Variants in MOB3B observed in about 807,000 individuals in gnomAD.
MOB3B encodes MOB kinase activator 3B.
A neutral mutation model predicts 18.7 loss-of-function variants in MOB3B; 7 were observed. The observed-to-expected ratio is 0.37, with a 90% confidence interval of 0.21 to 0.70. The LOEUF is 0.70. MOB3B is among the 30% of genes least tolerant of loss of function. The probability of loss-of-function intolerance (pLI) is 0.52; values close to 1 mark genes in which losing one functional copy is unlikely to be tolerated. For synonymous variants in MOB3B, 111 were observed against 99.9 expected, an observed-to-expected ratio of 1.11 and a Z score of -0.66; for missense variants, 253 against 281.3, an observed-to-expected ratio of 0.90 and a Z score of 0.72.
intron 1 of MOB3B, among the ~76,000 whole-genome samples, chr9:27,507,454 C>T (rs980656084): frequency 3.3e-5 from 5 of 152,212 alleles, no homozygotes; most frequent in African/African-American, 1.2e-4. Flanking sequence ...GCTTACAATG[C>T]GCACTCCCCA....
At chr9:27,423,267 GA>G (rs1353432571) in intron 2 of MOB3B, among the ~76,000 whole-genome samples, 28 of 152,250 alleles carry the variant, frequency 1.8e-4, no homozygotes, top group African/African-American at 5.8e-4. Context: ...CAAGGGTGAT[GA>G]ATGAACTGCT....
rs1820101096 is a variant in MOB3B, at chr9:27,509,221, A to G, written c.-199+20334T>C. 3.3e-5 allele frequency among the ~76,000 whole-genome samples: 5 copies of G among 152,158 alleles called. No homozygotes were observed. In the South Asian group the frequency reaches 1.0e-3, roughly 32 times the overall value. On this transcript the variant is annotated intron_variant, in intron 1 of 3. Coordinates refer to ENST00000262244, the MANE Select transcript of MOB3B (RefSeq NM_024761.5). ...ATACACATACATTAAGAGATACTGT[A>G]ACTTTCATAGTTCCAATGCCAAGCC...
At chr9:27,516,502 C>A (rs533479444) in intron 1 of MOB3B, among the ~76,000 whole-genome samples, 10 of 152,252 alleles carry the variant, frequency 6.6e-5, no homozygotes, top group Middle Eastern at 6.8e-3. Context: ...GGGCATTAGG[C>A]CTAGATCAAC....
intron 3 of MOB3B, among the ~76,000 whole-genome samples, chr9:27,338,145 G>A (rs917973970): frequency 1.3e-5 from 2 of 151,984 alleles, no homozygotes; most frequent in Non-Finnish European, 2.9e-5. Context: ...GACTTGCAAG[G>A]ACTTCTGGAT....
intron 3 of MOB3B, among the ~76,000 whole-genome samples, chr9:27,339,200 G>T (rs1820905999): frequency 6.6e-6 from 1 of 152,210 alleles, no homozygotes; most frequent in Admixed American, 6.5e-5. Flanking sequence ...GGAGGGTAAA[G>T]GGACCAGGAG....
chr9:27,495,104 G>A (rs1819876917), intron 1 of MOB3B, among the ~76,000 whole-genome samples: 2 of 152,092 alleles, frequency 1.3e-5, no homozygotes, highest in African/African-American at 2.4e-5. Flanking sequence ...TGAGGTGGGA[G>A]GATCACTTGA....
At chr9:27,459,117 AGT>A (rs778247616) in intron 1 of MOB3B, among the ~76,000 whole-genome samples, 1 of 152,012 alleles carries the variant, frequency 6.6e-6, no homozygotes, top group South Asian at 2.1e-4. Context: ...TCTTTTCCTG[AGT>A]GTGAGATGCC....
chr9:27,359,220 C>A lies in MOB3B; in HGVS notation c.435G>T (p.Lys145Asn). Residue 145 changes from lysine (K) to asparagine (N), a missense_variant, in exon 3 of 4, where the codon AAG (lysine) becomes AAT (asparagine). By Grantham distance (94) the Lys-to-Asn change is moderately conservative. Transcript: ENST00000262244. ...TCTTCTTGCAGATCTGAAGGAAGTT[C>A]TTTGGGAAGGGAACACCTAGAGAAG... Reference protein sequence around the residue: ...FPTCVGVPFPKNFLQICKKIL... With the variant: ...FPTCVGVPFPNNFLQICKKIL... 6.2e-7 allele frequency: 1 copy of A among 1,614,060 alleles called. No homozygotes were observed. Among genetic ancestry groups the A allele is most frequent in the Non-Finnish European group, 8.5e-7 (1 of 1,180,000 alleles).
intron 2 of MOB3B, among the ~76,000 whole-genome samples, chr9:27,452,126 T>C (rs147528241): frequency 6.6e-6 from 1 of 152,330 alleles, no homozygotes; most frequent in African/African-American, 2.4e-5. Flanking sequence ...TTGTTTAACT[T>C]TGCTCTGATC....
At chr9:27,512,637 T>C (rs909928786) in intron 1 of MOB3B, among the ~76,000 whole-genome samples, 2 of 152,226 alleles carry the variant, frequency 1.3e-5, no homozygotes, top group Non-Finnish European at 2.9e-5. Flanking sequence ...ACACTACTGT[T>C]TCATGGGTGT....
At chr9:27,458,803 G>A (rs887955392) in intron 1 of MOB3B, among the ~76,000 whole-genome samples, 2 of 151,834 alleles carry the variant, frequency 1.3e-5, no homozygotes, top group African/African-American at 2.4e-5. Flanking sequence ...CAATCCTCCC[G>A]CTCTGGCCTG....
chr9:27,363,501 C>T (rs1821303802), intron 2 of MOB3B, among the ~76,000 whole-genome samples: 1 of 151,934 alleles, frequency 6.6e-6, no homozygotes, highest in Non-Finnish European at 1.5e-5. Context: ...ATCTCCTGAC[C>T]TCGTGATCTG....
intron 1 of MOB3B, among the ~76,000 whole-genome samples, chr9:27,511,955 T>C (rs80270322): frequency 0.032 from 4,802 of 152,242 alleles, 103 homozygotes; most frequent in Middle Eastern, 0.065. Context: ...CACTTAGCTG[T>C]GGCCATGTGA....
At chr9:27,456,344 G>C (rs371988314) in intron 1 of MOB3B, among the ~76,000 whole-genome samples, 31 of 152,162 alleles carry the variant, frequency 2.0e-4, no homozygotes, top group African/African-American at 6.5e-4. Context: ...CTGGTCTGCA[G>C]AGCCACGGAG....
At chr9:27,389,208 C>A (rs767301159) in intron 2 of MOB3B, among the ~76,000 whole-genome samples, 20 of 152,180 alleles carry the variant, frequency 1.3e-4, no homozygotes, top group Non-Finnish European at 1.0e-4. Flanking sequence ...AATTTTCAGG[C>A]TCCACCCCAA....
rs1820739833 is a variant in MOB3B at position 27,328,300 on chromosome 9, A to G, written c.*2287T>C. 1 of 152,076 alleles carries G rather than the reference A, an allele frequency of 6.6e-6. No homozygotes were observed. The highest frequency in any genetic ancestry group is 2.4e-5 in the African/African-American group (1 of 41,414). The allele number at this position is 152,076 out of a possible 1,614,324, so 9.4% of individuals were successfully genotyped here. A position where few individuals can be genotyped will look rare whatever the true frequency, so the allele number is the denominator to read the frequency against. ...ATTTATAACAGAGATGAACAGTTAG[A>G]TGCAGTCAAGCAGAGGAGATAAAAA... On this transcript the variant is annotated 3_prime_UTR_variant, in exon 4 of 4. Coordinates refer to ENST00000262244, the MANE Select transcript of MOB3B (RefSeq NM_024761.5).
At chr9:27,336,507 G>A (rs1312325615) in intron 3 of MOB3B, among the ~76,000 whole-genome samples, 1 of 152,126 alleles carries the variant, frequency 6.6e-6, no homozygotes, top group Non-Finnish European at 1.5e-5. Context: ...GTGTGGTAAG[G>A]AGCAGGAGGA....
At chr9:27,355,325 C>A (rs987941853) in intron 3 of MOB3B, among the ~76,000 whole-genome samples, 2 of 152,090 alleles carry the variant, frequency 1.3e-5, no homozygotes, top group African/African-American at 4.8e-5. Flanking sequence ...CAAGAATGTC[C>A]CACCGGTGGC....
chr9:27,421,154 A>C (rs1393192504), intron 2 of MOB3B: 7 of 152,390 alleles, frequency 4.6e-5, no homozygotes, highest in African/African-American at 1.7e-4. Flanking sequence ...GCAATGGTGC[A>C]AACTCAGCTC....
Sources: allele counts gnomAD v4.1 joint callset (sites outside exome capture counted in the v4.1 genomes callset), GRCh38; gene constraint gnomAD v4.1.1; transcripts MANE v1.5; gene names NCBI Gene and HGNC (gene_info 2026-07-23, HGNC 2026-07-21).